Variants in RBFOX3 observed in about 807,000 individuals in gnomAD.
RBFOX3 encodes RNA binding fox-1 homolog 3, also known as RNA binding protein fox-1 homolog 3.
A neutral mutation model predicts 48.7 loss-of-function variants in RBFOX3; 17 were observed. The observed-to-expected ratio is 0.35, with a 90% confidence interval of 0.24 to 0.52. The LOEUF is 0.52. RBFOX3 is among the 20% of genes least tolerant of loss of function. The pLI is 0.94. For synonymous variants in RBFOX3, 212 were observed against 209.5 expected (o/e 1.01, Z -0.10); for missense variants, 382 against 497.5 (o/e 0.77, Z 2.21).
intron 2 of RBFOX3, among the ~76,000 whole-genome samples, chr17:79,357,382 C>G (rs1343215956): frequency 6.6e-6 from 1 of 152,216 alleles, no homozygotes; most frequent in Non-Finnish European, 1.5e-5. Context: ...AATCCCAGTA[C>G]TTTGGGAGGC....
intron 3 of RBFOX3, among the ~76,000 whole-genome samples, chr17:79,247,689 C>T (rs2063364463): frequency 7.1e-6 from 1 of 140,586 alleles, no homozygotes; most frequent in African/African-American, 2.6e-5. Context: ...AGTTTTGCAT[C>T]TGGGGAAAAA....
At position 79,591,233 on chromosome 17, in the gene RBFOX3, C is replaced by T. The variant is rs1599238395; in HGVS notation, c.-320+19593G>A. 2.0e-5 allele frequency among the ~76,000 whole-genome samples: 3 copies of T among 152,308 alleles called. 1 individual carries two copies. The highest frequency in any genetic ancestry group is 6.5e-5 in the Admixed American group (1 of 15,298). ...GGTCGGCACCCATTGCCATGTGTCC[C>T]CCCTGGCACAGGTGTCGCTGGGGGC... On this transcript the variant is annotated intron_variant, in intron 1 of 14. Transcript: ENST00000693108.
chr17:79,247,744 A>T (rs965971750), intron 3 of RBFOX3, among the ~76,000 whole-genome samples: 12 of 152,076 alleles, frequency 7.9e-5, no homozygotes, highest in African/African-American at 2.9e-4. Flanking sequence ...AGAGAAGAGA[A>T]GGCAAGGCAG....
At chr17:79,273,533 G>A (rs567735330) in intron 3 of RBFOX3, among the ~76,000 whole-genome samples, 4 of 144,864 alleles carry the variant, frequency 2.8e-5, no homozygotes, top group East Asian at 4.2e-4. Context: ...ACCAAGCCAG[G>A]CTTAGCTTGG....
At chr17:79,528,555 C>G (rs988675213) in intron 1 of RBFOX3, among the ~76,000 whole-genome samples, 1 of 151,894 alleles carries the variant, frequency 6.6e-6, no homozygotes. Flanking sequence ...AGTTGGAGAC[C>G]GGGTCTTTGC....
intron 3 of RBFOX3, among the ~76,000 whole-genome samples, chr17:79,265,926 T>C (rs1170088079): frequency 6.6e-6 from 1 of 152,218 alleles, no homozygotes; most frequent in Non-Finnish European, 1.5e-5. Context: ...AGAAGGCTCA[T>C]GGCACAGCAT....
At chr17:79,141,135 C>A (rs1273014659) in intron 4 of RBFOX3, among the ~76,000 whole-genome samples, 1 of 152,238 alleles carries the variant, frequency 6.6e-6, no homozygotes, top group African/African-American at 2.4e-5. Context: ...GCTGTCGATA[C>A]AGGCAGAACG....
intron 1 of RBFOX3, among the ~76,000 whole-genome samples, chr17:79,528,555 C>T (rs988675213): frequency 6.6e-6 from 1 of 151,894 alleles, no homozygotes; most frequent in South Asian, 2.1e-4. Context: ...AGTTGGAGAC[C>T]GGGTCTTTGC....
intron 10 of RBFOX3, 50 bp from the exon 11 acceptor site, chr17:79,097,474 C>A: frequency 6.7e-7 from 1 of 1,487,054 alleles, no homozygotes; most frequent in Non-Finnish European, 9.0e-7. Context: ...AGGGGACCCA[C>A]CTGGCACCCC....
chr17:79,305,279 T>C (rs956532838), intron 3 of RBFOX3, among the ~76,000 whole-genome samples: 3 of 152,180 alleles, frequency 2.0e-5, no homozygotes, highest in Non-Finnish European at 4.4e-5. Flanking sequence ...GGCCAAGCCC[T>C]GCCGTCATAG....
chr17:79,182,253 C>T (rs1034382134), intron 4 of RBFOX3, among the ~76,000 whole-genome samples: 1 of 152,206 alleles, frequency 6.6e-6, no homozygotes, highest in Non-Finnish European at 1.5e-5. Flanking sequence ...GCTCCTCCAG[C>T]AGCCGCCCCC....
At chr17:79,389,691 A>T (rs889837274) in intron 2 of RBFOX3, among the ~76,000 whole-genome samples, 4 of 152,164 alleles carry the variant, frequency 2.6e-5, no homozygotes, top group African/African-American at 9.7e-5. Flanking sequence ...GACAGACGAC[A>T]TGCCTTTCTT....
chr17:79,557,186 A>C (rs956707071), intron 1 of RBFOX3, among the ~76,000 whole-genome samples: 12 of 144,606 alleles, frequency 8.3e-5, no homozygotes, highest in Admixed American at 6.7e-4. Flanking sequence ...AGGTCGCACC[A>C]CTGCACTCCA....
chr17:79,298,181 C>G (rs1468865687), intron 3 of RBFOX3: 4 of 152,130 alleles, frequency 2.6e-5, no homozygotes, highest in African/African-American at 9.7e-5. Context: ...CGAGCAACAC[C>G]CCAGGGGAAA....
At chr17:79,635,085 A>C in the RBFOX3 span, among the ~76,000 whole-genome samples, 2 of 137,600 alleles carry the variant, frequency 1.5e-5, no homozygotes, top group African/African-American at 3.2e-5. Flanking sequence ...AAAAAAAAAA[A>C]AAAAAAAAAA....
At position 79,477,066 on chromosome 17, in the gene RBFOX3, C is replaced by G. The variant is rs1442834218; in HGVS notation, c.-175+5388G>C. Among the ~76,000 whole-genome samples the G allele has an allele frequency of 2.0e-5, 3 of 151,480 alleles. No individual in the cohort carries two copies. The highest frequency in any genetic ancestry group is 2.0e-4 in the Admixed American group (3 of 15,216). ...TGGCCAACAGGGTGAAACCCCGTCT[C>G]TACTAAAAATACAAAAATTAGCCAG... On this transcript the variant is annotated intron_variant, in intron 2 of 14. Transcript: ENST00000693108. The surrounding 1 kb of genome is among the most constrained non-coding windows in gnomAD (Gnocchi z 4.8).
chr17:79,262,386 G>A (rs73414187), intron 3 of RBFOX3, among the ~76,000 whole-genome samples: 1,567 of 152,338 alleles, frequency 0.01, 30 homozygotes, highest in African/African-American at 0.035. Context: ...TCCCACTGAG[G>A]GGACACGGTC....
At chr17:79,533,227 G>A in intron 1 of RBFOX3, among the ~76,000 whole-genome samples, 1 of 152,200 alleles carries the variant, frequency 6.6e-6, no homozygotes, top group Non-Finnish European at 1.5e-5. Flanking sequence ...GTGTTTCCCT[G>A]GTAGGACGGT....
chr17:79,296,419 G>C (rs547936736), intron 3 of RBFOX3, among the ~76,000 whole-genome samples: 1 of 151,866 alleles, frequency 6.6e-6, no homozygotes, highest in South Asian at 2.1e-4. Flanking sequence ...GTGTTTTGTC[G>C]CTCTATGGGC....
Sources: gnomAD v4.1 joint callset for allele counts (sites outside exome capture counted in the v4.1 genomes callset) on GRCh38, gnomAD v4.1.1 for gene constraint, Gnocchi (gnomAD v3.1) non-coding constraint, MANE v1.5 for transcripts, NCBI Gene and HGNC (gene_info 2026-07-23, HGNC 2026-07-21) for gene names.